The following UBTD1 variants were observed in gnomAD, a reference collection of about 807,000 sequenced individuals.
UBTD1 encodes the protein ubiquitin domain containing 1, also known as ubiquitin domain-containing protein 1.
UBTD1 carries 19 observed loss-of-function variants against 21.7 expected under a neutral mutation model. The observed-to-expected ratio is 0.87, with a 90% CI of 0.61 to 1.28. The LOEUF (loss-of-function observed/expected upper bound fraction) is 1.28, where lower values mean the gene tolerates loss of function less well. Among genes scored for constraint, UBTD1 ranks in the 50% most tolerant of loss-of-function variants. UBTD1 has a pLI of 0.00. For synonymous variants in UBTD1, 116 were observed against 135.1 expected (o/e 0.86, Z 0.98); for missense variants, 282 against 315.1 (o/e 0.89, Z 0.80).
At position 97,570,967 on chromosome 10, in the gene UBTD1, C is replaced by T. The variant is rs534034204; in HGVS notation, c.*444C>T. 60 of 164,080 alleles carry T rather than the reference C, an allele frequency of 3.7e-4. No homozygotes were observed. The highest frequency in any genetic ancestry group is 6.4e-3 in the Middle Eastern group (2 of 314). 10.2% of individuals were successfully genotyped at this position (164,080 alleles called of 1,614,324 possible). On this transcript the variant is annotated 3_prime_UTR_variant, in exon 3 of 3. Coordinates refer to ENST00000370664, the MANE Select transcript of UBTD1 (RefSeq NM_024954.5). This position sits in a 1 kb window ranked among gnomAD's most constrained non-coding sequence, Gnocchi z 6.6. ...CTCCCTTGGAAGGGAGGGAACCACCCGTGAGCCCCAGGGCTTGGGAAGCCT... is the reference window on the plus strand; with the variant it reads ...CTCCCTTGGAAGGGAGGGAACCACCTGTGAGCCCCAGGGCTTGGGAAGCCT...
chr10:97,539,992 GA>G (rs1286540551), intron 1 of UBTD1, among the ~76,000 whole-genome samples: 2 of 152,148 alleles, frequency 1.3e-5, no homozygotes. Flanking sequence ...CAAAGCCTCT[GA>G]CCATTTCCGC....
chr10:97,510,376 A>G (rs2040418760), intron 1 of UBTD1, among the ~76,000 whole-genome samples: 1 of 152,160 alleles, frequency 6.6e-6, no homozygotes, highest in Non-Finnish European at 1.5e-5. Context: ...TTTAGTACAA[A>G]TTTGCATTTT....
intron 1 of UBTD1, among the ~76,000 whole-genome samples, chr10:97,548,410 G>A (rs529557294): frequency 6.6e-6 from 1 of 152,300 alleles, no homozygotes; most frequent in Admixed American, 6.5e-5. Context: ...GGGAAGTGCG[G>A]TAATTCCCAC....
intron 2 of UBTD1, among the ~76,000 whole-genome samples, chr10:97,569,228 G>A (rs1242796405): frequency 6.6e-6 from 1 of 152,242 alleles, no homozygotes; most frequent in Admixed American, 6.5e-5. Flanking sequence ...GTAAAGGGGA[G>A]ATGATTATTA....
intron 1 of UBTD1, among the ~76,000 whole-genome samples, chr10:97,524,997 G>T (rs977810842): frequency 6.6e-6 from 1 of 152,210 alleles, no homozygotes; most frequent in Non-Finnish European, 1.5e-5. Flanking sequence ...AGGGGAAAGT[G>T]GCTTTGGGTA....
chr10:97,509,930 C>T (rs2040416566), intron 1 of UBTD1, among the ~76,000 whole-genome samples: 1 of 151,086 alleles, frequency 6.6e-6, no homozygotes, highest in East Asian at 1.9e-4. Flanking sequence ...GGATTACAGG[C>T]ATGAGCCACC....
Position 97,499,142 on chromosome 10 carries a change from G to A in UBTD1, c.-62G>A. 2.7e-6 allele frequency: 4 copies of A among 1,479,548 alleles called. No individual in the cohort carries two copies. The highest frequency in any genetic ancestry group is 2.7e-6 in the Non-Finnish European group (3 of 1,108,742). The allele number at this position is 1,479,548 out of a possible 1,614,324, so 91.7% of individuals were successfully genotyped here. On this transcript the variant is annotated 5_prime_UTR_variant, in exon 1 of 3. Coordinates refer to ENST00000370664, the MANE Select transcript of UBTD1 (RefSeq NM_024954.5). ...GGAGCCATTGACCCGGGACGCCGCC[G>A]TCCGCTGAGCAGCCGACCACCCCGC...
intron 1 of UBTD1, among the ~76,000 whole-genome samples, chr10:97,566,687 G>A (rs552166968): frequency 1.3e-5 from 2 of 152,350 alleles, no homozygotes; most frequent in Admixed American, 6.5e-5. Flanking sequence ...ATCGCTGCCT[G>A]CAATTCTCTT....
At chr10:97,523,447 C>T (rs1226096148) in intron 1 of UBTD1, among the ~76,000 whole-genome samples, 6 of 152,034 alleles carry the variant, frequency 3.9e-5, no homozygotes, top group African/African-American at 7.2e-5. Context: ...CTAGGGTCAC[C>T]GGGCCAGTTA....
intron 1 of UBTD1, among the ~76,000 whole-genome samples, chr10:97,499,670 G>C (rs2040329685): frequency 6.6e-6 from 1 of 152,214 alleles, no homozygotes; most frequent in Non-Finnish European, 1.5e-5. Flanking sequence ...CCAGAACTCG[G>C]AGCGAGCGAG....
At chr10:97,514,693 A>G (rs2040437335) in intron 1 of UBTD1, among the ~76,000 whole-genome samples, 1 of 152,144 alleles carries the variant, frequency 6.6e-6, no homozygotes, top group African/African-American at 2.4e-5. Flanking sequence ...GTGTAAGCCC[A>G]TGAATCTCTG....
chr10:97,510,036 C>T (rs906503488), intron 1 of UBTD1, among the ~76,000 whole-genome samples: 4 of 151,806 alleles, frequency 2.6e-5, no homozygotes, highest in African/African-American at 4.8e-5. Flanking sequence ...AATCTCAGCT[C>T]ACTGCAATCT....
At chr10:97,563,569 A>G (rs1398885841) in intron 1 of UBTD1, among the ~76,000 whole-genome samples, 1 of 152,184 alleles carries the variant, frequency 6.6e-6, no homozygotes, top group African/African-American at 2.4e-5. Flanking sequence ...AAGGGACTTC[A>G]TCAGAGTGAA....
At chr10:97,544,164 G>A (rs1197385723) in intron 1 of UBTD1, among the ~76,000 whole-genome samples, 1 of 152,094 alleles carries the variant, frequency 6.6e-6, no homozygotes, top group Non-Finnish European at 1.5e-5. Context: ...GTAGTGGCCA[G>A]CACCTGTAAT....
intron 1 of UBTD1, among the ~76,000 whole-genome samples, chr10:97,534,575 G>GCACACA (rs1220230746): frequency 2.1e-5 from 1 of 46,932 alleles, no homozygotes; most frequent in African/African-American, 4.1e-5. Flanking sequence ...ACACACGCGC[G>GCACACA]CGCGCACACA....
chr10:97,565,591 G>C (rs886819475), intron 1 of UBTD1, among the ~76,000 whole-genome samples: 1 of 152,142 alleles, frequency 6.6e-6, no homozygotes, highest in Non-Finnish European at 1.5e-5. Context: ...GTTTGAGGCT[G>C]CAGTGAGCTA....
Position 97,501,915 on chromosome 10 carries a change from C to T in UBTD1, c.70+2642C>T, listed in dbSNP as rs768541473. On this transcript the variant is annotated intron_variant, in intron 1 of 2. Coordinates refer to ENST00000370664, the MANE Select transcript of UBTD1 (RefSeq NM_024954.5). ...GAAGTGATTGCTCCTTCTGAGAACTCCTGCAGACACATTATCTATGCCACT... is the reference window on the plus strand; with the variant it reads ...GAAGTGATTGCTCCTTCTGAGAACTTCTGCAGACACATTATCTATGCCACT... Among the ~76,000 whole-genome samples, 7 of 152,186 alleles carry T rather than the reference C, an allele frequency of 4.6e-5. No homozygotes were observed. The South Asian group carries it at 6.2e-4, about 13-fold the overall frequency.
intron 1 of UBTD1, among the ~76,000 whole-genome samples, chr10:97,511,089 C>A (rs1034145900): frequency 1.1e-4 from 17 of 152,132 alleles, no homozygotes; most frequent in Admixed American, 6.6e-4. Context: ...TGTGAACTTC[C>A]AAGGCACTGC....
intron 1 of UBTD1, among the ~76,000 whole-genome samples, chr10:97,545,311 G>A (rs935305375): frequency 1.3e-5 from 2 of 149,462 alleles, no homozygotes; most frequent in African/African-American, 4.9e-5. Context: ...CTGCACTCCA[G>A]CCTGGGCAAC....
Sources: gnomAD v4.1 joint callset for allele counts (sites outside exome capture counted in the v4.1 genomes callset) on GRCh38, gnomAD v4.1.1 for gene constraint, Gnocchi (gnomAD v3.1) non-coding constraint, MANE v1.5 for transcripts, NCBI Gene and HGNC (gene_info 2026-07-23, HGNC 2026-07-21) for gene names.